SOX5: variants seen among roughly 807,000 people sequenced by gnomAD.
The protein encoded by SOX5 is SRY-box transcription factor 5.
SOX5 carries 9 observed loss-of-function variants against 92.0 expected under a neutral mutation model. The observed-to-expected ratio is 0.10, with a 90% CI of 0.06 to 0.17. The LOEUF (loss-of-function observed/expected upper bound fraction) is 0.17, where lower values mean the gene tolerates loss of function less well. SOX5 is among the 10% of genes least tolerant of loss of function. The pLI is 1.00. For synonymous variants in SOX5, 344 were observed against 336.3 expected, an observed-to-expected ratio of 1.02 and a Z score of -0.25; for missense variants, 642 against 944.5, an observed-to-expected ratio of 0.68 and a Z score of 4.20.
chr12:23,654,245 T>C (rs955303121), intron 7 of SOX5, among the ~76,000 whole-genome samples: 37 of 152,220 alleles, frequency 2.4e-4, no homozygotes, highest in Non-Finnish European at 4.9e-4. Flanking sequence ...TAATCTCTTT[T>C]AACATATTTT....
chr12:24,499,642 C>T (rs1947992367), intron 1 of SOX5, among the ~76,000 whole-genome samples: 1 of 152,126 alleles, frequency 6.6e-6, no homozygotes, highest in Non-Finnish European at 1.5e-5. Flanking sequence ...AAGGAAGTGA[C>T]TCAGGCAAAG....
chr12:24,392,591 A>AC (rs987920301), intron 1 of SOX5, among the ~76,000 whole-genome samples: 1 of 152,004 alleles, frequency 6.6e-6, no homozygotes, highest in African/African-American at 2.4e-5. Flanking sequence ...CTAAATCAGT[A>AC]CCCCCAACCC....
Position 24,095,148 on chromosome 12 carries a change from G to A in SOX5, c.-2+118195C>T, listed in dbSNP as rs867364376. On this transcript the variant is annotated intron_variant, in intron 4 of 4. Coordinates refer to the SOX5 transcript ENST00000446891. ...ACACACAGAGAGAGAGAGAGAGAGA[G>A]AGAGAGAGACAGAGACAGAGAGACA... Among the ~76,000 whole-genome samples, 1,097 of 147,774 alleles carry A rather than the reference G, an allele frequency of 7.4e-3. 17 individuals carry two copies. The highest frequency in any genetic ancestry group is 0.026 in the African/African-American group (1,056 of 40,778).
chr12:24,424,656 AG>A (rs369713164), intron 1 of SOX5, among the ~76,000 whole-genome samples: 1 of 152,222 alleles, frequency 6.6e-6, no homozygotes, highest in East Asian at 1.9e-4. Context: ...CCAACACTAT[AG>A]TTTCCCCTCC....
intron 13 of SOX5, among the ~76,000 whole-genome samples, chr12:23,537,418 A>C (rs1940788366): frequency 6.6e-6 from 1 of 152,144 alleles, no homozygotes; most frequent in Non-Finnish European, 1.5e-5. Flanking sequence ...TGTGACTCAA[A>C]CTCAGATTTG....
chr12:24,322,162 T>G (rs944794536), intron 2 of SOX5, among the ~76,000 whole-genome samples: 1 of 152,156 alleles, frequency 6.6e-6, no homozygotes, highest in African/African-American at 2.4e-5. Flanking sequence ...AGTTATATGC[T>G]TAATTATGGC....
intron 9 of SOX5, among the ~76,000 whole-genome samples, chr12:23,594,358 A>T (rs570091973): frequency 2.0e-5 from 3 of 152,168 alleles, no homozygotes; most frequent in Admixed American, 2.0e-4. Flanking sequence ...ATCTATCTAC[A>T]CTGTTGACCA....
chr12:24,270,688 G>A (rs997658906), intron 3 of SOX5, among the ~76,000 whole-genome samples: 6 of 152,074 alleles, frequency 3.9e-5, no homozygotes, highest in Non-Finnish European at 8.8e-5. Flanking sequence ...TTCCTCATTC[G>A]TAGATATCAG....
intron 4 of SOX5, among the ~76,000 whole-genome samples, chr12:24,196,438 AG>A (rs2139475003): frequency 1.3e-5 from 2 of 152,344 alleles, no homozygotes; most frequent in South Asian, 4.1e-4. Flanking sequence ...CTCTATGGAC[AG>A]GTCTTGTATA....
chr12:24,053,050 T>C (rs376384146), intron 4 of SOX5, among the ~76,000 whole-genome samples: 10 of 152,312 alleles, frequency 6.6e-5, no homozygotes, highest in East Asian at 3.9e-4. Flanking sequence ...AACTTAGAGA[T>C]GACTTTTCCA....
rs150879562 is a variant in SOX5, at chr12:24,296,974, C to A, written c.-173-19662G>T. 8.0e-3 allele frequency among the ~76,000 whole-genome samples: 1,216 copies of A among 151,510 alleles called. 20 individuals are homozygous for A. Among genetic ancestry groups the A allele is most frequent in the African/African-American group, 0.028 (1,153 of 41,246 alleles). On this transcript the variant is annotated intron_variant, in intron 2 of 4. Transcript: ENST00000446891. ...ACACACACACACAAACACAGAGGGT[C>A]CTGTAGCTAATCCCTAATCTACTCA...
rs78919776 is a variant in SOX5 at position 24,122,734 on chromosome 12, A to G, written c.-2+90609T>C. ...CTGGAATAGCTCAGTGAGATAAACTATTGTGTCTTTGTTTTGTTTCCATTT... is the reference window on the plus strand; with the variant it reads ...CTGGAATAGCTCAGTGAGATAAACTGTTGTGTCTTTGTTTTGTTTCCATTT... On this transcript the variant is annotated intron_variant, in intron 4 of 4. Transcript: ENST00000446891. 8.7e-4 allele frequency among the ~76,000 whole-genome samples: 132 copies of G among 152,306 alleles called. No individual in the cohort carries two copies. The East Asian group carries it at 0.02, about 23-fold the overall frequency.
At chr12:24,263,153 A>G (rs1279348879) in intron 3 of SOX5, among the ~76,000 whole-genome samples, 1 of 152,058 alleles carries the variant, frequency 6.6e-6, no homozygotes, top group Non-Finnish European at 1.5e-5. Context: ...TTGAACCGGG[A>G]GGCAGAGGTT....
intron 3 of SOX5, among the ~76,000 whole-genome samples, chr12:23,829,643 AT>A (rs2096283081): frequency 6.6e-6 from 1 of 152,192 alleles, no homozygotes; most frequent in African/African-American, 2.4e-5. Flanking sequence ...CAGGTACACC[AT>A]TTATCTGAGG....
At chr12:23,761,844 T>C (rs1430931013) in intron 3 of SOX5, among the ~76,000 whole-genome samples, 2 of 152,146 alleles carry the variant, frequency 1.3e-5, no homozygotes, top group East Asian at 3.9e-4. Flanking sequence ...TAACTTGATG[T>C]TCTACTCTTG....
chr12:23,714,212 T>C (rs755958633), intron 6 of SOX5, among the ~76,000 whole-genome samples: 73 of 152,192 alleles, frequency 4.8e-4, no homozygotes, highest in Non-Finnish European at 9.0e-4. Context: ...ATTTTTCTTC[T>C]AAATAGTTAT....
At chr12:23,701,549 C>T (rs2090628469) in intron 6 of SOX5, among the ~76,000 whole-genome samples, 1 of 152,096 alleles carries the variant, frequency 6.6e-6, no homozygotes, top group Non-Finnish European at 1.5e-5. Context: ...GTCTTTATTT[C>T]CCAACTTGAG....
At chr12:24,507,223 G>C (rs905353655) in intron 1 of SOX5, among the ~76,000 whole-genome samples, 6 of 151,948 alleles carry the variant, frequency 3.9e-5, no homozygotes, top group Non-Finnish European at 5.9e-5. Context: ...ACTCTGATGA[G>C]GGACAAATGA....
In SOX5 at chr12:24,242,209, G is replaced by C. The variant is rs963924395; in HGVS notation, c.-76-28792C>G. On this transcript the variant is annotated intron_variant, in intron 3 of 4. Coordinates refer to the SOX5 transcript ENST00000446891. ...AACCTTAAACTGAACTAATTGAGTTGCAGCTATACACTGGTTAGAAGCTAT... is the reference window on the plus strand; with the variant it reads ...AACCTTAAACTGAACTAATTGAGTTCCAGCTATACACTGGTTAGAAGCTAT... Among the ~76,000 whole-genome samples the C allele has an allele frequency of 2.6e-5, 4 of 152,186 alleles. No homozygotes were observed. In the East Asian group the frequency reaches 7.7e-4, roughly 29 times the overall value.
Sources: gnomAD v4.1 joint callset for allele counts (sites outside exome capture counted in the v4.1 genomes callset) on GRCh38, gnomAD v4.1.1 for gene constraint, MANE v1.5 for transcripts, NCBI Gene and HGNC (gene_info 2026-07-23, HGNC 2026-07-21) for gene names.